The following RBFOX1 variants were observed in gnomAD, a reference collection of about 807,000 sequenced individuals.
RBFOX1 encodes RNA binding fox-1 homolog 1, also known as RNA binding protein fox-1 homolog 1.
In RBFOX1, 8 loss-of-function variants were observed where a neutral mutation model predicts 57.7. The observed-to-expected ratio is 0.14, with a 90% confidence interval of 0.08 to 0.25. RBFOX1 has a LOEUF of 0.25. Among genes scored for constraint, RBFOX1 ranks in the 10% least tolerant of loss-of-function variants. RBFOX1 has a pLI of 1.00. For missense variants in RBFOX1, 611 were observed against 548.5 expected (o/e 1.11, Z -1.14); for synonymous variants, 326 against 222.4 (o/e 1.47, Z -4.15).
chr16:7,562,682 C>A (rs909907226), intron 5 of RBFOX1, among the ~76,000 whole-genome samples: 2 of 152,132 alleles, frequency 1.3e-5, no homozygotes, highest in African/African-American at 4.8e-5. Flanking sequence ...CTTCTGCCTC[C>A]TAGGTTCCTT....
At chr16:6,089,511 T>C (rs1206714064) in intron 1 of RBFOX1, among the ~76,000 whole-genome samples, 1 of 152,232 alleles carries the variant, frequency 6.6e-6, no homozygotes, top group Non-Finnish European at 1.5e-5. Context: ...AAAGGCATTG[T>C]AAATCTTAGA....
intron 3 of RBFOX1, among the ~76,000 whole-genome samples, chr16:6,981,254 A>C (rs982780396): frequency 6.6e-6 from 1 of 151,292 alleles, no homozygotes; most frequent in Non-Finnish European, 1.5e-5. Flanking sequence ...GTTTTTTGTG[A>C]TTCTCCCCTC....
intron 3 of RBFOX1, among the ~76,000 whole-genome samples, chr16:6,775,187 G>C (rs865782270): frequency 7.2e-6 from 1 of 138,550 alleles, no homozygotes; most frequent in Non-Finnish European, 1.5e-5. Flanking sequence ...AAAAAAAAAA[G>C]TTAGCCTGGT....
chr16:7,005,104 A>T (rs889055938), intron 3 of RBFOX1, among the ~76,000 whole-genome samples: 1 of 152,164 alleles, frequency 6.6e-6, no homozygotes, highest in East Asian at 1.9e-4. Flanking sequence ...AGATCGCGTC[A>T]TTGCACTCCA....
rs79942872 is a variant in RBFOX1, at chr16:6,553,137, G to A, written c.-63-101466G>A. Among the ~76,000 whole-genome samples, 41 of 152,272 alleles carry A rather than the reference G, an allele frequency of 2.7e-4. No individual in the cohort carries two copies. In the East Asian group the frequency reaches 7.7e-3, roughly 29 times the overall value. Reference sequence around the variant, plus strand: ...TAACAGGATGTGCCCACTGGTCATGGAAGTCAGTTCTGTTAAACAGGGAGG... The same window carrying A: ...TAACAGGATGTGCCCACTGGTCATGAAAGTCAGTTCTGTTAAACAGGGAGG... On this transcript the variant is annotated intron_variant, in intron 2 of 15. Transcript: ENST00000550418.
At chr16:6,806,835 TA>T (rs200878256) in intron 3 of RBFOX1, among the ~76,000 whole-genome samples, 327 of 70,260 alleles carry the variant, frequency 4.7e-3, no homozygotes, top group Middle Eastern at 0.013. Context: ...TATATATATA[TA>T]TTTTTTTTTT....
At chr16:6,579,338 G>A (rs2097498685) in intron 2 of RBFOX1, among the ~76,000 whole-genome samples, 1 of 151,944 alleles carries the variant, frequency 6.6e-6, no homozygotes, top group South Asian at 2.1e-4. Context: ...TGAGTAGCTG[G>A]GACTATATGC....
chr16:7,587,779 C>A (rs2094206804), intron 7 of RBFOX1, among the ~76,000 whole-genome samples: 1 of 152,074 alleles, frequency 6.6e-6, no homozygotes, highest in Admixed American at 6.6e-5. Flanking sequence ...AGCAATTTGC[C>A]ATTGCTTTGA....
intron 3 of RBFOX1, among the ~76,000 whole-genome samples, chr16:6,789,456 A>C (rs1040096167): frequency 1.3e-5 from 2 of 152,154 alleles, no homozygotes; most frequent in African/African-American, 2.4e-5. Flanking sequence ...GAGAAACACT[A>C]ATGGTGTCAA....
chr16:7,303,595 A>G (rs2096086030), intron 4 of RBFOX1, among the ~76,000 whole-genome samples: 3 of 152,316 alleles, frequency 2.0e-5, no homozygotes, highest in East Asian at 3.9e-4. Context: ...AATTTTTAAA[A>G]AAAGCGAAGG....
chr16:5,968,439 A>C (rs552747519), intron 4 of RBFOX1, among the ~76,000 whole-genome samples: 1 of 152,272 alleles, frequency 6.6e-6, no homozygotes, highest in Non-Finnish European at 1.5e-5. Flanking sequence ...CATGTTGTTT[A>C]CAGTTTATAT....
intron 3 of RBFOX1, among the ~76,000 whole-genome samples, chr16:6,963,452 A>C (rs72776212): frequency 6.6e-6 from 1 of 152,310 alleles, no homozygotes; most frequent in Non-Finnish European, 1.5e-5. Context: ...AACATAAGTT[A>C]TCTCATGCTG....
intron 3 of RBFOX1, among the ~76,000 whole-genome samples, chr16:6,872,243 T>C (rs1191651918): frequency 6.6e-6 from 1 of 152,178 alleles, no homozygotes; most frequent in Non-Finnish European, 1.5e-5. Context: ...ATTTAATAAT[T>C]GTTGTGTAAA....
chr16:6,193,392 C>CATTATATATA (rs1555545384), intron 1 of RBFOX1, among the ~76,000 whole-genome samples: 3 of 43,220 alleles, frequency 6.9e-5, no homozygotes, highest in African/African-American at 1.3e-4. Flanking sequence ...TATATATATA[C>CATTATATATA]TATATATATA....
At chr16:7,040,675 G>A (rs1340600122) in intron 3 of RBFOX1, among the ~76,000 whole-genome samples, 3 of 152,076 alleles carry the variant, frequency 2.0e-5, no homozygotes, top group African/African-American at 7.2e-5. Flanking sequence ...TTTTCTGTGT[G>A]TGTACCTTGT....
chr16:5,414,134 A>C (rs973225452), intron 1 of RBFOX1, among the ~76,000 whole-genome samples: 1 of 152,168 alleles, frequency 6.6e-6, no homozygotes, highest in African/African-American at 2.4e-5. Flanking sequence ...CGACCTGAAC[A>C]CACCGTGGTT....
chr16:6,894,307 C>T (rs1055791267), intron 3 of RBFOX1, among the ~76,000 whole-genome samples: 5 of 152,140 alleles, frequency 3.3e-5, no homozygotes, highest in African/African-American at 9.7e-5. Context: ...GTCTGTTGTG[C>T]GTTTGAAATC....
intron 9 of RBFOX1, among the ~76,000 whole-genome samples, chr16:7,601,841 T>C (rs2095042054): frequency 6.6e-6 from 1 of 152,200 alleles, no homozygotes; most frequent in South Asian, 2.1e-4. Context: ...TCCTGTATTT[T>C]AGACGGAATT....
intron 4 of RBFOX1, among the ~76,000 whole-genome samples, chr16:7,330,569 A>C (rs2096675854): frequency 6.6e-6 from 1 of 150,810 alleles, no homozygotes; most frequent in Non-Finnish European, 1.5e-5. Flanking sequence ...AATACAATGG[A>C]TCACTATCTT....
Sources: allele counts gnomAD v4.1 joint callset (sites outside exome capture counted in the v4.1 genomes callset), GRCh38; gene constraint gnomAD v4.1.1; transcripts MANE v1.5; gene names NCBI Gene and HGNC (gene_info 2026-07-23, HGNC 2026-07-21).